Variants in TGFBR3 observed in about 807,000 individuals in gnomAD.
TGFBR3 encodes the protein transforming growth factor beta receptor type 3.
TGFBR3 carries 46 observed loss-of-function variants against 87.9 expected under a neutral mutation model. That is an observed-to-expected ratio of 0.52 (90% CI 0.41 to 0.67). The LOEUF is 0.67. TGFBR3 is among the 30% of genes least tolerant of loss of function. The pLI, the probability that TGFBR3 is intolerant of heterozygous loss-of-function variation, is 0.00. For synonymous variants in TGFBR3, 381 were observed against 391.6 expected (o/e 0.97, Z 0.32); for missense variants, 866 against 1,041.9 (o/e 0.83, Z 2.32).
At chr1:91,871,234 A>G (rs1381229314) in intron 1 of TGFBR3, among the ~76,000 whole-genome samples, 1 of 152,228 alleles carries the variant, frequency 6.6e-6, no homozygotes, top group Non-Finnish European at 1.5e-5. Context: ...GTAGACATCA[A>G]CCAGGCCCTG....
At position 91,720,191 on chromosome 1, in the gene TGFBR3, G is replaced by A. The variant is rs773557800; in HGVS notation, c.1115C>T (p.Pro372Leu). The A allele has an allele frequency of 6.2e-7, 1 of 1,611,394 alleles. No individual in the cohort carries two copies. Among genetic ancestry groups the A allele is most frequent in the East Asian group, 2.2e-5 (1 of 44,746 alleles). ...AGGGTCCAGCAGGATCCGTAGCTCAGGAGGAATAGTGTGGACTTCCTCATC... is the reference window on the plus strand; with the variant it reads ...AGGGTCCAGCAGGATCCGTAGCTCAAGAGGAATAGTGTGGACTTCCTCATC... The part of the protein sequence containing the change: ...MGDEEVHTIP[P>L]ELRILLDPGA... Residue 372 changes from proline (P) to leucine (L), a missense_variant, in exon 9 of 17, where the codon CCT becomes CTT. Physicochemically the swap from Pro to Leu is moderately conservative, Grantham distance 98. Coordinates refer to ENST00000212355, the MANE Select transcript of TGFBR3 (RefSeq NM_003243.5).
chr1:91,853,727 C>T (rs1438427796), intron 2 of TGFBR3, among the ~76,000 whole-genome samples: 2 of 152,140 alleles, frequency 1.3e-5, no homozygotes, highest in South Asian at 4.1e-4. Flanking sequence ...AAAAGCCAAA[C>T]TCATGGCCGG....
At chr1:91,848,879 CA>C (rs1301460450) in intron 2 of TGFBR3, among the ~76,000 whole-genome samples, 1 of 152,152 alleles carries the variant, frequency 6.6e-6, no homozygotes, top group Non-Finnish European at 1.5e-5. Context: ...ATTCACAACA[CA>C]AAGAGATTTT....
intron 4 of TGFBR3, 100 bp from the exon 5 acceptor site, chr1:91,735,059 C>G (rs1363105529): frequency 7.2e-7 from 1 of 1,383,438 alleles, no homozygotes; most frequent in African/African-American, 1.4e-5. Flanking sequence ...GTAAATCGAA[C>G]CTCTTCCCTT....
chr1:91,712,644 G>T, intron 12 of TGFBR3, 102 bp from the exon 13 acceptor site: 2 of 1,012,560 alleles, frequency 2.0e-6, no homozygotes, highest in Non-Finnish European at 3.1e-6. Flanking sequence ...ATGACACGCT[G>T]CTTTATCTTC....
At chr1:91,808,505 G>A (rs934722900) in intron 2 of TGFBR3, among the ~76,000 whole-genome samples, 2 of 152,032 alleles carry the variant, frequency 1.3e-5, no homozygotes, top group South Asian at 2.1e-4. Context: ...TCACTCTGTC[G>A]CCCAGGCTGG....
chr1:91,904,716 T>G (rs112304043), intron 1 of TGFBR3, among the ~76,000 whole-genome samples: 179 of 152,098 alleles, frequency 1.2e-3, no homozygotes, highest in Middle Eastern at 3.4e-3. Context: ...AGGCCCCCAC[T>G]GCCATGCCTG....
chr1:91,741,025 T>C (rs1347590370), intron 4 of TGFBR3, among the ~76,000 whole-genome samples: 2 of 152,354 alleles, frequency 1.3e-5, no homozygotes, highest in East Asian at 3.9e-4. Context: ...ATCGCATGTC[T>C]GGGTGTTTTT....
chr1:91,756,300 G>A (rs1673742526), intron 4 of TGFBR3, among the ~76,000 whole-genome samples: 1 of 152,146 alleles, frequency 6.6e-6, no homozygotes, highest in Non-Finnish European at 1.5e-5. Context: ...ATGACTTTAT[G>A]ATCAGAGCCA....
At chr1:91,762,266 A>T (rs1316677916) in intron 3 of TGFBR3, among the ~76,000 whole-genome samples, 1 of 152,176 alleles carries the variant, frequency 6.6e-6, no homozygotes, top group African/African-American at 2.4e-5. Flanking sequence ...CAAACAAAAA[A>T]CATCCATATC....
At chr1:91,687,362 A>G (rs1358337233) in intron 16 of TGFBR3, among the ~76,000 whole-genome samples, 1 of 152,156 alleles carries the variant, frequency 6.6e-6, no homozygotes, top group East Asian at 1.9e-4. Context: ...AGAAGCAAAA[A>G]CAAACAAACA....
At chr1:91,863,785 G>A (rs1403907986) in intron 1 of TGFBR3, 2 of 152,184 alleles carry the variant, frequency 1.3e-5, no homozygotes, top group East Asian at 3.8e-4. Flanking sequence ...CTCAAAAGCT[G>A]ACTAAATTAT....
chr1:91,847,392 T>C (rs560726336), intron 2 of TGFBR3, among the ~76,000 whole-genome samples: 3 of 151,850 alleles, frequency 2.0e-5, no homozygotes, highest in East Asian at 3.9e-4. Context: ...TCACCTGAGG[T>C]TGGGAGTTCG....
chr1:91,860,144 T>G (rs1189050575), intron 2 of TGFBR3, among the ~76,000 whole-genome samples: 1 of 152,220 alleles, frequency 6.6e-6, no homozygotes, highest in Non-Finnish European at 1.5e-5. Flanking sequence ...TACATGACAC[T>G]ACGCAAGTTA....
At chr1:91,787,218 T>C (rs2100981745) in intron 3 of TGFBR3, among the ~76,000 whole-genome samples, 1 of 152,100 alleles carries the variant, frequency 6.6e-6, no homozygotes, top group East Asian at 1.9e-4. Flanking sequence ...AGAGAATCGC[T>C]TGAACCCAGG....
intron 14 of TGFBR3, among the ~76,000 whole-genome samples, chr1:91,701,389 G>C (rs1328828975): frequency 1.3e-5 from 2 of 152,006 alleles, no homozygotes; most frequent in Non-Finnish European, 2.9e-5. Flanking sequence ...CCCTACCATC[G>C]AGTTGGCATG....
At chr1:91,831,004 A>C (rs1676842141) in intron 2 of TGFBR3, among the ~76,000 whole-genome samples, 1 of 152,024 alleles carries the variant, frequency 6.6e-6, no homozygotes, top group Admixed American at 6.5e-5. Flanking sequence ...GGAGTCCCAA[A>C]GGTCTCTTCA....
In TGFBR3 at chr1:91,894,327, C is replaced by G. The variant is rs576087499; in HGVS notation, c.-114+5310G>C. ...CCTCAGATTTCTTTCTTTCCTGGATCATTCTCATCAACTTACAAACATACT... is the reference window on the plus strand; with the variant it reads ...CCTCAGATTTCTTTCTTTCCTGGATGATTCTCATCAACTTACAAACATACT... On this transcript the variant is annotated intron_variant, in intron 2 of 17. Coordinates refer to the TGFBR3 transcript ENST00000370399. Among the ~76,000 whole-genome samples the G allele has an allele frequency of 3.3e-5, 5 of 152,306 alleles. No individual in the cohort carries two copies. In the South Asian group the frequency reaches 1.0e-3, roughly 32 times the overall value.
At chr1:91,743,446 T>C (rs1673226370) in intron 4 of TGFBR3, among the ~76,000 whole-genome samples, 1 of 152,158 alleles carries the variant, frequency 6.6e-6, no homozygotes. Flanking sequence ...AAATGTTACC[T>C]TCTCAATGGG....
Sources: gnomAD v4.1 joint callset for allele counts (sites outside exome capture counted in the v4.1 genomes callset) on GRCh38, gnomAD v4.1.1 for gene constraint, MANE v1.5 for transcripts, NCBI Gene and HGNC (gene_info 2026-07-23, HGNC 2026-07-21) for gene names.